The following EDIL3 variants were observed in gnomAD, a reference collection of about 807,000 sequenced individuals.
EDIL3 encodes the protein EGF like and discoidin domains 3, also known as EGF-like repeat and discoidin I-like domain-containing protein 3.
Under a neutral mutation model 67.4 loss-of-function variants are expected in EDIL3, and 37 were observed. The observed-to-expected ratio is 0.55, with a 90% CI of 0.42 to 0.72. EDIL3 has a LOEUF of 0.72. Ranked by LOEUF, EDIL3 falls within the 30% of genes least tolerant of loss-of-function variation. The pLI is 0.00. For missense variants in EDIL3, 527 were observed against 586.3 expected, an observed-to-expected ratio of 0.90 and a Z score of 1.04; for synonymous variants, 195 against 196.3, an observed-to-expected ratio of 0.99 and a Z score of 0.05.
intron 1 of EDIL3, among the ~76,000 whole-genome samples, chr5:84,319,702 A>G (rs1382721115): frequency 6.6e-6 from 1 of 152,108 alleles, no homozygotes; most frequent in East Asian, 1.9e-4. Context: ...CATTGCACAC[A>G]TATGTTTACT....
chr5:84,095,919 A>G (rs2112272691), intron 6 of EDIL3, among the ~76,000 whole-genome samples: 1 of 152,332 alleles, frequency 6.6e-6, no homozygotes, highest in Middle Eastern at 3.4e-3. Context: ...GGCTGGGCCC[A>G]GGGTCCCCGG....
intron 1 of EDIL3, among the ~76,000 whole-genome samples, chr5:84,319,494 C>CAA (rs55738450): frequency 2.2e-3 from 96 of 42,756 alleles, no homozygotes; most frequent in East Asian, 3.4e-3. Flanking sequence ...CAAAAAACAA[C>CAA]AAAAAAAAAA....
Position 84,289,960 on chromosome 5 carries a change from T to A in EDIL3, c.68-35748A>T, listed in dbSNP as rs1317437316. Among the ~76,000 whole-genome samples, 5 of 152,292 alleles carry A rather than the reference T, an allele frequency of 3.3e-5. No individual in the cohort carries two copies. In the East Asian group the frequency reaches 9.6e-4, roughly 29 times the overall value. ...AAGTAATTTCATTTTAATATCCCAC[T>A]GCCTAATGAAAAGAATTAAGCACAT... On this transcript the variant is annotated intron_variant, in intron 1 of 10. Coordinates refer to ENST00000296591, the MANE Select transcript of EDIL3 (RefSeq NM_005711.5).
chr5:84,290,114 C>T (rs1183396146), intron 1 of EDIL3, among the ~76,000 whole-genome samples: 2 of 151,844 alleles, frequency 1.3e-5, no homozygotes, highest in African/African-American at 4.9e-5. Flanking sequence ...CAAGTTAGTA[C>T]CTCCCTACTC....
intron 1 of EDIL3, among the ~76,000 whole-genome samples, chr5:84,361,498 A>T (rs2112201404): frequency 6.6e-6 from 1 of 152,072 alleles, no homozygotes; most frequent in Non-Finnish European, 1.5e-5. Context: ...AGGTACTCTA[A>T]TTTTTTTGGA....
chr5:84,081,501 C>G (rs1746966936), intron 6 of EDIL3, among the ~76,000 whole-genome samples: 1 of 151,938 alleles, frequency 6.6e-6, no homozygotes, highest in South Asian at 2.1e-4. Context: ...AAATTAAGGT[C>G]ACTTTGCTAA....
chr5:84,222,683 C>CA, intron 3 of EDIL3, among the ~76,000 whole-genome samples: 1 of 151,924 alleles, frequency 6.6e-6, no homozygotes, highest in Middle Eastern at 3.4e-3. Flanking sequence ...GATATCCTAA[C>CA]ATGTGTGAGA....
intron 9 of EDIL3, among the ~76,000 whole-genome samples, chr5:83,985,511 T>A (rs189184358): frequency 2.0e-5 from 3 of 152,104 alleles, no homozygotes; most frequent in African/African-American, 7.2e-5. Flanking sequence ...CTGTGGGAAA[T>A]GGGTGCTGTT....
At chr5:83,986,835 A>T (rs914822883) in intron 9 of EDIL3, among the ~76,000 whole-genome samples, 1 of 152,108 alleles carries the variant, frequency 6.6e-6, no homozygotes, top group Non-Finnish European at 1.5e-5. Flanking sequence ...AATGTGAAAT[A>T]TCTTGAAGGG....
chr5:84,144,985 C>A (rs1261700548), intron 4 of EDIL3, among the ~76,000 whole-genome samples: 1 of 152,114 alleles, frequency 6.6e-6, no homozygotes, highest in Non-Finnish European at 1.5e-5. Context: ...CATTTGTTCA[C>A]TCATTCATTC....
chr5:84,314,371 C>CA (rs1172899339), intron 1 of EDIL3, among the ~76,000 whole-genome samples: 4 of 152,316 alleles, frequency 2.6e-5, no homozygotes, highest in African/African-American at 9.6e-5. Context: ...TAGGTCTTTA[C>CA]AGTGTCAGAA....
chr5:84,192,756 C>T (rs551284500), intron 3 of EDIL3, among the ~76,000 whole-genome samples: 38 of 151,922 alleles, frequency 2.5e-4, no homozygotes, highest in African/African-American at 7.5e-4. Flanking sequence ...CGTCAGTAAA[C>T]GAGAGGACTG....
intron 9 of EDIL3, among the ~76,000 whole-genome samples, chr5:83,990,315 C>T (rs865921850): frequency 2.6e-5 from 4 of 151,852 alleles, no homozygotes; most frequent in Non-Finnish European, 5.9e-5. Flanking sequence ...GGTGAAATCC[C>T]GTCTCTACTG....
intron 9 of EDIL3, among the ~76,000 whole-genome samples, chr5:83,991,909 A>C (rs1745157579): frequency 6.6e-6 from 1 of 152,142 alleles, no homozygotes; most frequent in Non-Finnish European, 1.5e-5. Flanking sequence ...TTTGCCGTCT[A>C]CGTTTGGTAG....
intron 6 of EDIL3, among the ~76,000 whole-genome samples, chr5:84,068,776 T>C (rs1561421163): frequency 6.6e-6 from 1 of 152,212 alleles, no homozygotes; most frequent in Non-Finnish European, 1.5e-5. Context: ...TGACTTTTCA[T>C]GTATCTAGCA....
chr5:84,004,847 T>C (rs1306508364), intron 9 of EDIL3, among the ~76,000 whole-genome samples: 1 of 152,018 alleles, frequency 6.6e-6, no homozygotes, highest in Non-Finnish European at 1.5e-5. Flanking sequence ...AGTGCTCAAC[T>C]GAATTAAGTA....
chr5:84,373,040 C>A (rs1345613488), intron 1 of EDIL3, among the ~76,000 whole-genome samples: 3 of 152,100 alleles, frequency 2.0e-5, no homozygotes, highest in Non-Finnish European at 4.4e-5. Context: ...ACATGTGGTA[C>A]CAGTTCCTTT....
intron 4 of EDIL3, among the ~76,000 whole-genome samples, chr5:84,152,239 A>G (rs1442675684): frequency 1.3e-5 from 2 of 152,202 alleles, no homozygotes; most frequent in East Asian, 3.9e-4. Flanking sequence ...TCTGTGAAGG[A>G]TATAACTTTA....
intron 9 of EDIL3, among the ~76,000 whole-genome samples, chr5:83,971,816 C>A (rs1744798674): frequency 6.6e-6 from 1 of 152,068 alleles, no homozygotes; most frequent in Non-Finnish European, 1.5e-5. Flanking sequence ...CAATGCCCAG[C>A]AGACATTTAG....
Sources: gnomAD v4.1 joint callset for allele counts (sites outside exome capture counted in the v4.1 genomes callset) on GRCh38, gnomAD v4.1.1 for gene constraint, MANE v1.5 for transcripts, NCBI Gene and HGNC (gene_info 2026-07-23, HGNC 2026-07-21) for gene names.